Variants in GPC5 observed in about 807,000 individuals in gnomAD.
GPC5 encodes glypican-5.
Under a neutral mutation model 53.9 loss-of-function variants are expected in GPC5, and 47 were observed. The observed-to-expected ratio is 0.87, with a 90% CI of 0.69 to 1.11. The LOEUF is 1.11. Ranked by LOEUF, GPC5 falls within the 50% of genes most tolerant of loss-of-function variation. GPC5 has a pLI of 0.00. For missense variants in GPC5, 748 were observed against 713.1 expected, an observed-to-expected ratio of 1.05 and a Z score of -0.56; for synonymous variants, 286 against 263.3, an observed-to-expected ratio of 1.09 and a Z score of -0.84.
intron 7 of GPC5, among the ~76,000 whole-genome samples, chr13:92,491,447 G>C (rs184664372): frequency 4.5e-4 from 68 of 152,074 alleles, no homozygotes; most frequent in African/African-American, 1.3e-3. Context: ...TATTAAGATG[G>C]GTAGTTTTTG....
chr13:92,092,739 G>C (rs1488801917), intron 6 of GPC5, among the ~76,000 whole-genome samples: 1 of 151,964 alleles, frequency 6.6e-6, no homozygotes, highest in Non-Finnish European at 1.5e-5. Flanking sequence ...CAATGTCAAA[G>C]GATAATTAAT....
chr13:91,665,505 C>CTTTTTTTTTTTTTTCTT (rs371605806), intron 2 of GPC5, among the ~76,000 whole-genome samples: 1 of 146,198 alleles, frequency 6.8e-6, no homozygotes, highest in African/African-American at 2.6e-5. Flanking sequence ...AAAAGCCAGT[C>CTTTTTTTTTTTTTTCTT]TTTTTTTTTT....
chr13:92,402,793 A>G (rs1246838774), intron 7 of GPC5, among the ~76,000 whole-genome samples: 1 of 152,172 alleles, frequency 6.6e-6, no homozygotes, highest in Non-Finnish European at 1.5e-5. Context: ...GTCAATTAAG[A>G]GCTATCCTTG....
intron 5 of GPC5, among the ~76,000 whole-genome samples, chr13:91,772,647 T>C (rs1358093903): frequency 6.6e-6 from 1 of 152,184 alleles, no homozygotes; most frequent in Admixed American, 6.5e-5. Flanking sequence ...AATTACATTA[T>C]ATAAGATTAA....
At chr13:92,544,437 G>A (rs917510657) in intron 7 of GPC5, among the ~76,000 whole-genome samples, 6 of 152,258 alleles carry the variant, frequency 3.9e-5, no homozygotes, top group South Asian at 4.1e-4. Context: ...GCCCTCTTGC[G>A]AGAATAGACC....
At chr13:92,808,250 G>A (rs1427166407) in intron 7 of GPC5, among the ~76,000 whole-genome samples, 1 of 152,050 alleles carries the variant, frequency 6.6e-6, no homozygotes, top group Non-Finnish European at 1.5e-5. Context: ...TGCTTTGAAA[G>A]AGAATTTACT....
At chr13:92,770,414 C>CAAAAA (rs34087505) in intron 7 of GPC5, among the ~76,000 whole-genome samples, 1 of 76,886 alleles carries the variant, frequency 1.3e-5, no homozygotes, top group Non-Finnish European at 2.4e-5. Context: ...GACCCTGTCT[C>CAAAAA]AAAAAAAAAA....
At chr13:91,734,989 T>A (rs944016364) in intron 4 of GPC5, among the ~76,000 whole-genome samples, 1 of 151,184 alleles carries the variant, frequency 6.6e-6, no homozygotes, top group Non-Finnish European at 1.5e-5. Flanking sequence ...TTATATTCCA[T>A]ATATTAATTT....
chr13:91,456,347 CT>C (rs1393992285), intron 2 of GPC5, among the ~76,000 whole-genome samples: 1,723 of 148,568 alleles, frequency 0.012, 33 homozygotes, highest in African/African-American at 0.04. Context: ...CAAATGTTAA[CT>C]TTTTTTTTTC....
chr13:91,634,845 C>G (rs9301745), intron 2 of GPC5, among the ~76,000 whole-genome samples: 2 of 151,874 alleles, frequency 1.3e-5, no homozygotes, highest in African/African-American at 4.8e-5. Flanking sequence ...GCTGAAGAGA[C>G]AGAGAATAAT....
At chr13:91,990,502 T>C (rs564610453) in intron 6 of GPC5, among the ~76,000 whole-genome samples, 1 of 152,270 alleles carries the variant, frequency 6.6e-6, no homozygotes, top group African/African-American at 2.4e-5. Flanking sequence ...GCAGGTAAAA[T>C]AGGAGATAGG....
intron 6 of GPC5, among the ~76,000 whole-genome samples, chr13:92,093,569 T>C (rs956826682): frequency 2.0e-5 from 3 of 152,218 alleles, no homozygotes; most frequent in African/African-American, 7.2e-5. Context: ...TCTAGATCTT[T>C]GTATCATAAA....
At chr13:92,262,332 T>C (rs1254106029) in intron 7 of GPC5, among the ~76,000 whole-genome samples, 2 of 152,186 alleles carry the variant, frequency 1.3e-5, no homozygotes, top group Non-Finnish European at 2.9e-5. Context: ...CTTTAATAGA[T>C]AGTACATTTT....
At chr13:91,856,228 TG>T (rs1377106841) in intron 5 of GPC5, among the ~76,000 whole-genome samples, 1 of 151,638 alleles carries the variant, frequency 6.6e-6, no homozygotes, top group Non-Finnish European at 1.5e-5. Flanking sequence ...TATTTTTCTT[TG>T]GATGAATATT....
At chr13:91,984,188 G>T (rs960185725) in intron 6 of GPC5, among the ~76,000 whole-genome samples, 4 of 152,114 alleles carry the variant, frequency 2.6e-5, no homozygotes, top group Admixed American at 2.6e-4. Flanking sequence ...AGTGATGGTT[G>T]CATTTTGTTG....
intron 7 of GPC5, among the ~76,000 whole-genome samples, chr13:92,394,810 C>T (rs1566572315): frequency 6.6e-6 from 1 of 151,966 alleles, no homozygotes; most frequent in South Asian, 2.1e-4. Context: ...CAATAAAATC[C>T]ATTTAATAAA....
chr13:92,518,924 C>A (rs1011330845), intron 7 of GPC5, among the ~76,000 whole-genome samples: 2 of 152,074 alleles, frequency 1.3e-5, no homozygotes, highest in Middle Eastern at 3.4e-3. Context: ...AAATAAAGGG[C>A]TGGAGGAATA....
rs559747906 is a variant in GPC5, at chr13:92,798,279, A to G, written c.1562-68003A>G. 3.3e-5 allele frequency among the ~76,000 whole-genome samples: 5 copies of G among 152,038 alleles called. No individual in the cohort carries two copies. The East Asian group carries it at 9.7e-4, about 30-fold the overall frequency. On this transcript the variant is annotated intron_variant, in intron 7 of 7. Coordinates refer to ENST00000377067, the MANE Select transcript of GPC5 (RefSeq NM_004466.6). ...AAATGTTTGTTTATGGATATTTGTT[A>G]TGCAGCACAAGATGATATACACTCA...
intron 2 of GPC5, among the ~76,000 whole-genome samples, chr13:91,542,580 G>T (rs2030009179): frequency 6.6e-6 from 1 of 152,228 alleles, no homozygotes; most frequent in Non-Finnish European, 1.5e-5. Context: ...AAGTGATGAA[G>T]GAATACAATT....
Sources: allele counts gnomAD v4.1 joint callset (sites outside exome capture counted in the v4.1 genomes callset), GRCh38; gene constraint gnomAD v4.1.1; transcripts MANE v1.5; gene names NCBI Gene and HGNC (gene_info 2026-07-23, HGNC 2026-07-21).